Variants in BRPF1 observed in about 807,000 individuals in gnomAD.
The protein encoded by BRPF1 is peregrin.
In BRPF1, 15 loss-of-function variants were observed where a neutral mutation model predicts 115.0. The observed-to-expected ratio is 0.13, with a 90% CI of 0.09 to 0.20. The LOEUF (loss-of-function observed/expected upper bound fraction) is 0.20, where lower values mean the gene tolerates loss of function less well. BRPF1 is among the 10% of genes least tolerant of loss of function. The pLI is 1.00. For missense variants in BRPF1, 1,118 were observed against 1,638.3 expected, an observed-to-expected ratio of 0.68 and a Z score of 5.48; for synonymous variants, 647 against 619.8, an observed-to-expected ratio of 1.04 and a Z score of -0.65.
Position 9,745,301 on chromosome 3 carries a change from A to T in BRPF1, c.3068+146A>T. 9.2e-7 allele frequency: 1 copy of T among 1,089,416 alleles called. No individual in the cohort carries two copies. The highest frequency in any genetic ancestry group is 2.9e-5 in the Admixed American group (1 of 34,784). 67.5% of individuals were successfully genotyped at this position (1,089,416 alleles called of 1,614,324 possible). ...AAACTCAAGGTTCTCTGCTAAATAA[A>T]TAAATCAGTGTTACCATTAATAGAA... On this transcript the variant is annotated intron_variant, in intron 10 of 13. Transcript: ENST00000383829. The surrounding 1 kb of genome is among the most constrained non-coding windows in gnomAD (Gnocchi z 5.1).
rs775344115 is a variant in BRPF1, at chr3:9,734,749, C to T, written c.599+10C>T. 5.0e-6 allele frequency: 8 copies of T among 1,613,002 alleles called. No homozygotes were observed. Among genetic ancestry groups the T allele is most frequent in the East Asian group, 4.5e-5 (2 of 44,838 alleles). On this transcript the variant is annotated intron_variant, in intron 2 of 13. Transcript: ENST00000383829. This position sits in a 1 kb window ranked among gnomAD's most constrained non-coding sequence, Gnocchi z 5.7. ...CAACTTCCTATTACCGGTAAGGCCA[C>T]CTCTACCTTGCAGCTCTGGAAAACT... is the stretch of plus-strand genomic sequence containing the variant.
At position 9,739,599 on chromosome 3, in the gene BRPF1, C is replaced by T; in HGVS notation, c.1200C>T (p.Cys400=). Residue 400 remains cysteine, a synonymous_variant, in exon 3 of 14, where the codon TGC becomes TGT. Transcript: ENST00000383829. ...KQRGSGACIQ[C]HKANCYTAFH... Reference sequence around the variant, plus strand: ...GGGGCTCAGGGGCCTGCATCCAGTGCCACAAGGCCAACTGTTACACAGCTT... The same window carrying T: ...GGGGCTCAGGGGCCTGCATCCAGTGTCACAAGGCCAACTGTTACACAGCTT... 1 of 1,610,754 alleles carries T rather than the reference C, an allele frequency of 6.2e-7. No homozygotes were observed. The highest frequency in any genetic ancestry group is 8.5e-7 in the Non-Finnish European group (1 of 1,177,200).
chr3:9,734,111 A>T lies in BRPF1; in HGVS notation c.-10-20A>T. ...AGGAACTCATCCCCAGCCTTATGTT[A>T]ACTGATCTGTGTATTCTAGATGTGA... On this transcript the variant is annotated intron_variant, in intron 1 of 13. Coordinates refer to ENST00000383829, the MANE Select transcript of BRPF1 (RefSeq NM_001003694.2). The surrounding 1 kb of genome is among the most constrained non-coding windows in gnomAD (Gnocchi z 5.7). The T allele has an allele frequency of 6.4e-7, 1 of 1,555,092 alleles. No homozygotes were observed. Among genetic ancestry groups the T allele is most frequent in the Non-Finnish European group, 8.7e-7 (1 of 1,148,652 alleles).
chr3:9,747,407 C>T lies in BRPF1; in HGVS notation c.*58C>T, dbSNP rs570567286. ...TGTGACTTCTCTCCTCCCCTTTGCT[C>T]ACTGTCCTGGAGTGGCACCGGCCTC... On this transcript the variant is annotated 3_prime_UTR_variant, in exon 14 of 14. Transcript: ENST00000383829. This position sits in a 1 kb window ranked among gnomAD's most constrained non-coding sequence, Gnocchi z 5.6. The T allele has an allele frequency of 2.9e-5, 46 of 1,584,660 alleles. 1 individual carries two copies. The South Asian group carries it at 5.0e-4, about 17-fold the overall frequency.
In BRPF1 at chr3:9,747,107, G is replaced by A; in HGVS notation, c.3480-59G>A. Reference sequence around the variant, plus strand: ...GTGGTGTGTTTGAGTGAATAGAGGAGGAAGGCTGGTCCTTGTTCTCCCTGA... The same window carrying A: ...GTGGTGTGTTTGAGTGAATAGAGGAAGAAGGCTGGTCCTTGTTCTCCCTGA... On this transcript the variant is annotated intron_variant, in intron 13 of 13. Transcript: ENST00000383829. This position sits in a 1 kb window ranked among gnomAD's most constrained non-coding sequence, Gnocchi z 5.6. 6.3e-7 allele frequency: 1 copy of A among 1,588,846 alleles called. No individual in the cohort carries two copies. Among genetic ancestry groups the A allele is most frequent in the Non-Finnish European group, 8.6e-7 (1 of 1,162,116 alleles).
At position 9,740,909 on chromosome 3, in the gene BRPF1, C is replaced by T; in HGVS notation, c.1690C>T (p.Leu564=). The part of the protein sequence containing the change: ...VPLLRRLQTH[L]QSQRNCDQVG... ...ATTGCTACGTCGCCTGCAGACACAC[C>T]TGCAATCTCAGAGGAACTGTGACCA... The change falls in exon 4 of 14, where the codon CTG becomes TTG. Residue 564 remains leucine (L), a synonymous_variant. Transcript: ENST00000383829. The T allele has an allele frequency of 6.2e-7, 1 of 1,613,474 alleles. No homozygotes were observed. The highest frequency in any genetic ancestry group is 8.5e-7 in the Non-Finnish European group (1 of 1,180,012).
Position 9,739,452 on chromosome 3 carries a change from G to T in BRPF1, c.1053G>T (p.Val351=), listed in dbSNP as rs772229740. The T allele has an allele frequency of 6.2e-7, 1 of 1,613,996 alleles. No individual in the cohort carries two copies. The highest frequency in any genetic ancestry group is 1.3e-5 in the African/African-American group (1 of 74,942). ...CAGATGACGGGCGCTGGGCCCATGT[G>T]GTGTGTGCCTTGTGGATCCCTGAGG... ...KQTDDGRWAH[V]VCALWIPEVC... is the part of the protein sequence containing the mutation. Residue 351 remains valine (V), a synonymous_variant, in exon 3 of 14, where the codon GTG becomes GTT. Coordinates refer to ENST00000383829, the MANE Select transcript of BRPF1 (RefSeq NM_001003694.2).
intron 3 of BRPF1, 34 bp downstream of exon 3, chr3:9,739,992 G>A (rs2077002900): frequency 3.9e-6 from 6 of 1,521,158 alleles, no homozygotes; most frequent in Non-Finnish European, 5.3e-6. Flanking sequence ...GCAGATGAGG[G>A]AGAAAGGAGC....
Position 9,740,960 on chromosome 3 carries a change from T to C in BRPF1, c.1722+19T>C, listed in dbSNP as rs762329210. 8 of 1,602,930 alleles carry C rather than the reference T, an allele frequency of 5.0e-6. No homozygotes were observed. In the East Asian group the frequency reaches 1.3e-4, roughly 27 times the overall value. ...AGTTGGGGTACTGTGTCCAGTTCCC[T>C]GTGGGCTCTGGGAACTAGCGCCAGG... On this transcript the variant is annotated intron_variant, in intron 4 of 13. Coordinates refer to ENST00000383829, the MANE Select transcript of BRPF1 (RefSeq NM_001003694.2).
Position 9,740,882 on chromosome 3 carries a change from C to T in BRPF1, c.1663C>T (p.Pro555Ser), listed in dbSNP as rs1290977778. ...GAAGCGGCAGTCACGGAATGGGGTC[C>T]CATTGCTACGTCGCCTGCAGACACA... ...TLKRQSRNGV[P>S]LLRRLQTHLQ... The change falls in exon 4 of 14, where the codon CCA becomes TCA. Residue 555 changes from proline (P) to serine (S), a missense_variant. Around this residue, in one of 10 missense-constraint regions of BRPF1, gnomAD observed 178 missense variants for 303.7 expected, o/e 0.59. Coordinates refer to ENST00000383829, the MANE Select transcript of BRPF1 (RefSeq NM_001003694.2). 6.2e-7 allele frequency: 1 copy of T among 1,614,066 alleles called. No individual in the cohort carries two copies. The highest frequency in any genetic ancestry group is 8.5e-7 in the Non-Finnish European group (1 of 1,180,044).
In BRPF1 at chr3:9,745,795, C is replaced by T. The variant is rs1165321643; in HGVS notation, c.3206-17C>T. On this transcript the variant is annotated splice_polypyrimidine_tract_variant and intron_variant, in intron 11 of 13. Transcript: ENST00000383829. This position sits in a 1 kb window ranked among gnomAD's most constrained non-coding sequence, Gnocchi z 5.1. ...CCCCAGCTGCTGATCCACCCCCTCT[C>T]CCCCATTCCTGTGAAGTGGTAAGGA... 4 of 1,612,984 alleles carry T rather than the reference C, an allele frequency of 2.5e-6. No homozygotes were observed. Among genetic ancestry groups the T allele is most frequent in the East Asian group, 2.2e-5 (1 of 44,846 alleles).
intron 4 of BRPF1, 138 bp from the exon 5 acceptor site, chr3:9,741,170 A>G (rs1004249917): frequency 2.1e-5 from 24 of 1,157,584 alleles, no homozygotes; most frequent in African/African-American, 4.6e-5. Flanking sequence ...GGCCTTGGGG[A>G]CACACAGATT....
chr3:9,741,471 A>G, intron 5 of BRPF1, 32 bp downstream of exon 5: 1 of 1,521,556 alleles, frequency 6.6e-7, no homozygotes, highest in Non-Finnish European at 8.8e-7. Flanking sequence ...CTATTTTATA[A>G]AAGAAAAAAC....
chr3:9,734,656 C>G lies in BRPF1; in HGVS notation c.516C>G (p.Thr172=). 2 of 1,614,146 alleles carry G rather than the reference C, an allele frequency of 1.2e-6. No individual in the cohort carries two copies. Among genetic ancestry groups the G allele is most frequent in the South Asian group, 2.2e-5 (2 of 91,074 alleles). ...ACCACCACAATGTTTCTGCGAGCAC[C>G]ACTCCCAAGCTGCCAGAGGTGGTCT... The part of the protein sequence containing the change: ...HHHHHNVSAS[T]TPKLPEVVYR... Residue 172 remains threonine, a synonymous_variant, in exon 2 of 14, where the codon ACC becomes ACG. Coordinates refer to ENST00000383829, the MANE Select transcript of BRPF1 (RefSeq NM_001003694.2). The surrounding 1 kb of genome is among the most constrained non-coding windows in gnomAD (Gnocchi z 5.7).
Position 9,734,035 on chromosome 3 carries a change from T to TC in BRPF1, c.-10-94dup, listed in dbSNP as rs2076898091. 1.3e-6 allele frequency: 2 copies of TC among 1,504,300 alleles called. No homozygotes were observed. The highest frequency in any genetic ancestry group is 8.8e-7 in the Non-Finnish European group (1 of 1,133,542). 93.2% of individuals were successfully genotyped at this position (1,504,300 alleles called of 1,614,324 possible). ...GGTAGGCTGGCCAGAATCTGGTGACTCCAAGTGAGGGGGAGGGCTAGAAAG... is the reference window on the plus strand; with the variant it reads ...GGTAGGCTGGCCAGAATCTGGTGACTCCCAAGTGAGGGGGAGGGCTAGAAAG... On this transcript the variant is annotated intron_variant, in intron 1 of 13. Transcript: ENST00000383829. This position sits in a 1 kb window ranked among gnomAD's most constrained non-coding sequence, Gnocchi z 5.7.
intron 8 of BRPF1, 28 bp from the exon 9 acceptor site, chr3:9,744,196 A>T (rs776053248): frequency 6.6e-7 from 1 of 1,509,940 alleles, no homozygotes; most frequent in South Asian, 1.4e-5. Context: ...CCCCTCACCA[A>T]CTCTCCTTCT....
Position 9,734,646 on chromosome 3 carries a change from C to G in BRPF1, c.506C>G (p.Ser169Cys), listed in dbSNP as rs374585008. ...DSNHHHHHNV[S>C]ASTTPKLPEV... ...AACCATCACCACCACCACAATGTTT[C>G]TGCGAGCACCACTCCCAAGCTGCCA... The change falls in exon 2 of 14, where the codon TCT becomes TGT. Residue 169 changes from serine to cysteine, a missense_variant. By Grantham distance (112) the Ser-to-Cys change is moderately radical. Coordinates refer to ENST00000383829, the MANE Select transcript of BRPF1 (RefSeq NM_001003694.2). This position sits in a 1 kb window ranked among gnomAD's most constrained non-coding sequence, Gnocchi z 5.7. The G allele has an allele frequency of 1.7e-5, 27 of 1,614,040 alleles. No homozygotes were observed. The Middle Eastern group carries it at 4.9e-4, about 29-fold the overall frequency.
intron 3 of BRPF1, 31 bp from the exon 4 acceptor site, chr3:9,740,748 C>T (rs1300781465): frequency 1.2e-6 from 2 of 1,609,150 alleles, no homozygotes; most frequent in Non-Finnish European, 1.7e-6. Flanking sequence ...CAGGGCCCAA[C>T]AAGTTTTACT....
intron 8 of BRPF1, 151 bp from the exon 9 acceptor site, chr3:9,744,073 A>T: frequency 3.1e-6 from 4 of 1,277,232 alleles, no homozygotes; most frequent in Non-Finnish European, 4.3e-6. Flanking sequence ...TATTTGTATA[A>T]GAGTTAATCT....
Sources: allele counts gnomAD v4.1 joint callset, GRCh38; gene constraint gnomAD v4.1.1; regional missense constraint gnomAD v4.1.1; non-coding constraint Gnocchi (gnomAD v3.1); transcripts MANE v1.5; gene names NCBI Gene and HGNC (gene_info 2026-07-23, HGNC 2026-07-21).